The following SHANK2 variants were observed in gnomAD, a reference collection of about 807,000 sequenced individuals.
The protein encoded by SHANK2 is SH3 and multiple ankyrin repeat domains 2.
Under a neutral mutation model 133.7 loss-of-function variants are expected in SHANK2, and 43 were observed. That is an observed-to-expected ratio of 0.32 (90% CI 0.25 to 0.41). The LOEUF is 0.41. Ranked by LOEUF, SHANK2 falls within the 10% of genes least tolerant of loss-of-function variation. The pLI is 1.00. For synonymous variants in SHANK2, 1,017 were observed against 952.8 expected, an observed-to-expected ratio of 1.07 and a Z score of -1.24; for missense variants, 1,994 against 2,235.8, an observed-to-expected ratio of 0.89 and a Z score of 2.18.
At chr11:71,056,279 G>A (rs1344456305) in intron 10 of SHANK2, among the ~76,000 whole-genome samples, 1 of 152,230 alleles carries the variant, frequency 6.6e-6, no homozygotes, top group African/African-American at 2.4e-5. Context: ...ATAGGAAGGA[G>A]CCAGTGTGAG....
chr11:70,946,323 A>ACCCTTCC (rs1555085417), intron 10 of SHANK2, among the ~76,000 whole-genome samples: 1 of 143,020 alleles, frequency 7.0e-6, no homozygotes, highest in African/African-American at 2.7e-5. Context: ...CCACTAACCA[A>ACCCTTCC]CACTTCCCAG....
At chr11:71,170,927 A>G (rs552869387) in intron 2 of SHANK2, among the ~76,000 whole-genome samples, 74 of 152,350 alleles carry the variant, frequency 4.9e-4, no homozygotes, top group African/African-American at 1.7e-3. Context: ...CCGCCATCAC[A>G]GAATACCACG....
At chr11:71,183,306 C>G (rs1953599653) in intron 2 of SHANK2, among the ~76,000 whole-genome samples, 1 of 152,014 alleles carries the variant, frequency 6.6e-6, no homozygotes, top group Non-Finnish European at 1.5e-5. Context: ...AACAGGCTGC[C>G]CGACTCATGC....
chr11:70,596,490 G>C (rs1441652417), intron 17 of SHANK2, among the ~76,000 whole-genome samples: 1 of 152,228 alleles, frequency 6.6e-6, no homozygotes, highest in Non-Finnish European at 1.5e-5. Context: ...AGGGGCATCA[G>C]GGTCCTGGTC....
At chr11:70,910,272 G>T (rs1950171527) in intron 10 of SHANK2, among the ~76,000 whole-genome samples, 1 of 152,212 alleles carries the variant, frequency 6.6e-6, no homozygotes, top group Non-Finnish European at 1.5e-5. Context: ...AGAGTACGCA[G>T]AATCTCTTTG....
At chr11:70,494,591 G>A (rs1555156690) in intron 21 of SHANK2, among the ~76,000 whole-genome samples, 1 of 152,208 alleles carries the variant, frequency 6.6e-6, no homozygotes, top group Non-Finnish European at 1.5e-5. Flanking sequence ...ACCACACCCA[G>A]CCATACACTT....
At chr11:70,954,290 C>T (rs781968079) in intron 10 of SHANK2, among the ~76,000 whole-genome samples, 10 of 152,312 alleles carry the variant, frequency 6.6e-5, no homozygotes, top group East Asian at 1.9e-4. Flanking sequence ...AAAAGTGCAA[C>T]GCCAGGAACC....
intron 10 of SHANK2, among the ~76,000 whole-genome samples, chr11:70,928,357 C>A (rs564313235): frequency 6.6e-6 from 1 of 152,278 alleles, no homozygotes; most frequent in South Asian, 2.1e-4. Context: ...TGCTACAAAG[C>A]CTTATTCAGG....
chr11:70,733,770 G>A (rs914331102), intron 14 of SHANK2, among the ~76,000 whole-genome samples: 1 of 152,206 alleles, frequency 6.6e-6, no homozygotes, highest in Non-Finnish European at 1.5e-5. Flanking sequence ...GGAGGGCCTG[G>A]CAGGTCTGGG....
chr11:71,088,915 A>G (rs1276094245), intron 8 of SHANK2, among the ~76,000 whole-genome samples: 1 of 104,908 alleles, frequency 9.5e-6, no homozygotes, highest in East Asian at 2.8e-4. Flanking sequence ...ACCCCACCAG[A>G]GGCCTCCCCT....
At chr11:70,657,554 G>A (rs1289946682) in intron 17 of SHANK2, among the ~76,000 whole-genome samples, 1 of 152,216 alleles carries the variant, frequency 6.6e-6, no homozygotes, top group Non-Finnish European at 1.5e-5. Context: ...GATCGTGCAA[G>A]GGTCCAGCTG....
intron 1 of SHANK2, among the ~76,000 whole-genome samples, chr11:71,249,608 A>G (rs1948142770): frequency 6.6e-6 from 1 of 152,150 alleles, no homozygotes; most frequent in African/African-American, 2.4e-5. Flanking sequence ...GAACTCTTTC[A>G]GAGTAGGAGG....
intron 11 of SHANK2, among the ~76,000 whole-genome samples, chr11:70,821,015 C>A (rs967803575): frequency 7.2e-5 from 11 of 152,190 alleles, no homozygotes; most frequent in African/African-American, 2.4e-4. Flanking sequence ...GGACGGGCCA[C>A]CCCATCACAC....
intron 17 of SHANK2, among the ~76,000 whole-genome samples, chr11:70,615,579 C>T (rs1198089299): frequency 1.3e-5 from 2 of 152,194 alleles, no homozygotes; most frequent in African/African-American, 4.8e-5. Context: ...GGTCAGCTTT[C>T]CTGAGCCTTA....
Position 70,798,478 on chromosome 11 carries a change from T to A in SHANK2, c.1742A>T (p.Glu581Val), listed in dbSNP as rs369877291. ...HIGWFPAECV[E>V]EVQCKPRDSQ... ...GTCCCTGGGCTTACACTGGACCTCC[T>A]CCACGCACTCCGCCGGAAACCATCC... Residue 581 changes from glutamate to valine, a missense_variant, in exon 14 of 26, where the codon GAG becomes GTG. Around this residue, in one of 5 missense-constraint regions of SHANK2, gnomAD observed 653 missense variants for 563.4 expected, o/e 1.16. Transcript: ENST00000601538. The A allele has an allele frequency of 1.4e-6, 1 of 718,380 alleles. No homozygotes were observed. Among genetic ancestry groups the A allele is most frequent in the African/African-American group, 1.7e-5 (1 of 57,260 alleles). The allele number at this position is 718,380 out of a possible 1,614,324, so 44.5% of individuals were successfully genotyped here.
At chr11:71,085,006 G>A (rs1003745201) in intron 8 of SHANK2, among the ~76,000 whole-genome samples, 267 of 151,962 alleles carry the variant, frequency 1.8e-3, no homozygotes, top group African/African-American at 6.3e-3. Context: ...CATGTGCCTG[G>A]GTTTGCTACG....
chr11:70,855,219 G>T (rs960811741), intron 11 of SHANK2, among the ~76,000 whole-genome samples: 1 of 152,196 alleles, frequency 6.6e-6, no homozygotes, highest in African/African-American at 2.4e-5. Flanking sequence ...ATCCAATTTG[G>T]TCACATGATG....
intron 17 of SHANK2, among the ~76,000 whole-genome samples, chr11:70,540,805 C>T (rs1044982705): frequency 6.1e-5 from 9 of 148,150 alleles, no homozygotes; most frequent in East Asian, 2.0e-4. Context: ...GCTGAAATCA[C>T]GCCACTGCAC....
intron 15 of SHANK2, chr11:70,662,284 C>A (rs1944568930): frequency 1.2e-5 from 2 of 171,276 alleles, no homozygotes; most frequent in Admixed American, 1.1e-4. Context: ...CCAGCGCCCC[C>A]TCCCTCTCCC....
Sources: allele counts gnomAD v4.1 joint callset (sites outside exome capture counted in the v4.1 genomes callset), GRCh38; gene constraint gnomAD v4.1.1; regional missense constraint gnomAD v4.1.1; transcripts MANE v1.5; gene names NCBI Gene and HGNC (gene_info 2026-07-23, HGNC 2026-07-21).